The following CCDC50 variants were observed in gnomAD, a reference collection of about 807,000 sequenced individuals.
CCDC50 encodes the protein coiled-coil domain-containing protein 50.
In CCDC50, 54 loss-of-function variants were observed where a neutral mutation model predicts 70.2. The observed-to-expected ratio is 0.77, with a 90% CI of 0.62 to 0.96. The LOEUF (loss-of-function observed/expected upper bound fraction) is 0.96, where lower values mean the gene tolerates loss of function less well. Among genes scored for constraint, CCDC50 ranks in the 50% least tolerant of loss-of-function variants. The pLI is 0.00. For synonymous variants in CCDC50, 216 were observed against 198.8 expected, an observed-to-expected ratio of 1.09 and a Z score of -0.73; for missense variants, 558 against 578.7, an observed-to-expected ratio of 0.96 and a Z score of 0.37.
intron 4 of CCDC50, 50 bp downstream of exon 4, chr3:191,361,209 C>A: frequency 7.3e-7 from 1 of 1,377,994 alleles, no homozygotes; most frequent in Non-Finnish European, 1.0e-6. Context: ...GGGTGCTCAG[C>A]TTTAGAGCAA....
At position 191,329,520 on chromosome 3, in the gene CCDC50, C is replaced by T; in HGVS notation, c.-155C>T. ...TCTCCCGCTGCTTTGGTCACCAGCC[C>T]CTGCCCGCCCGACCCGCTCCGTTCT... On this transcript the variant is annotated 5_prime_UTR_variant, in exon 1 of 12. Transcript: ENST00000392455. The T allele has an allele frequency of 1.4e-5, 9 of 653,918 alleles. No individual in the cohort carries two copies. Among genetic ancestry groups the T allele is most frequent in the Non-Finnish European group, 2.2e-5 (9 of 411,638 alleles). 40.5% of individuals were successfully genotyped at this position (653,918 alleles called of 1,614,324 possible). A position where few individuals can be genotyped will look rare whatever the true frequency, so the allele number is the denominator to read the frequency against.
At position 191,357,154 on chromosome 3, in the gene CCDC50, A is replaced by C; in HGVS notation, c.112+4A>C. The C allele has an allele frequency of 6.2e-7, 1 of 1,612,366 alleles. No individual in the cohort carries two copies. Among genetic ancestry groups the C allele is most frequent in the South Asian group, 1.1e-5 (1 of 91,022 alleles). On this transcript the variant is annotated splice_donor_region_variant and intron_variant, in intron 2 of 11. Coordinates refer to ENST00000392455, the MANE Select transcript of CCDC50 (RefSeq NM_178335.3). The stretch of plus-strand genomic sequence containing the variant: ...CACAGCCTGCAGGAACAAGAGAGTG[A>C]GTAATACCTCTCATTTATGCTCCTT...
intron 2 of CCDC50, 89 bp from the exon 3 acceptor site, chr3:191,357,909 G>A: frequency 6.5e-7 from 1 of 1,531,984 alleles, no homozygotes; most frequent in Non-Finnish European, 9.0e-7. Flanking sequence ...CAAAGCTGTT[G>A]TTATGGTAAA....
rs1410889597 is a variant in CCDC50, at chr3:191,398,272, C to T, written c.*6512C>T. 1 of 152,164 alleles carries T rather than the reference C, an allele frequency of 6.6e-6. No individual in the cohort carries two copies. The highest frequency in any genetic ancestry group is 1.5e-5 in the Non-Finnish European group (1 of 68,024). The allele number at this position is 152,164 out of a possible 1,614,324, so 9.4% of individuals were successfully genotyped here. ...GGTTTGTTTTTTACACTATATTTCTCATTAGGTTCTTTAAACATCAGGTTT... is the reference window on the plus strand; with the variant it reads ...GGTTTGTTTTTTACACTATATTTCTTATTAGGTTCTTTAAACATCAGGTTT... On this transcript the variant is annotated 3_prime_UTR_variant, in exon 12 of 12. Coordinates refer to ENST00000392455, the MANE Select transcript of CCDC50 (RefSeq NM_178335.3).
intron 1 of CCDC50, among the ~76,000 whole-genome samples, chr3:191,341,262 A>G (rs1268941977): frequency 2.0e-5 from 3 of 152,220 alleles, no homozygotes; most frequent in Non-Finnish European, 4.4e-5. Context: ...AATGAGGCCA[A>G]TAATAGGCTC....
chr3:191,337,586 G>T (rs771109400), intron 1 of CCDC50, among the ~76,000 whole-genome samples: 2 of 151,714 alleles, frequency 1.3e-5, no homozygotes, highest in African/African-American at 4.8e-5. Context: ...CTCGTGATCC[G>T]CCCATCTCGG....
At chr3:191,380,337 C>A in intron 7 of CCDC50, 63 bp downstream of exon 7, 1 of 993,556 alleles carries the variant, frequency 1.0e-6, no homozygotes, top group Non-Finnish European at 1.6e-6. Context: ...TGAATCTAGT[C>A]CATCTTGAAA....
intron 1 of CCDC50, among the ~76,000 whole-genome samples, chr3:191,347,096 A>G (rs980175177): frequency 1.4e-5 from 2 of 142,094 alleles, no homozygotes; most frequent in Non-Finnish European, 3.2e-5. Context: ...GAGTTATGCT[A>G]TTCTGGTGTT....
At chr3:191,343,614 T>A (rs1258462982) in intron 1 of CCDC50, among the ~76,000 whole-genome samples, 1 of 152,224 alleles carries the variant, frequency 6.6e-6, no homozygotes, top group Non-Finnish European at 1.5e-5. Flanking sequence ...TCCTGAATTG[T>A]TCTAAAGTAA....
intron 1 of CCDC50, among the ~76,000 whole-genome samples, chr3:191,355,288 C>T (rs1230268350): frequency 6.6e-6 from 1 of 152,034 alleles, no homozygotes; most frequent in African/African-American, 2.4e-5. Context: ...AAATAACATT[C>T]TTTACACAAG....
intron 6 of CCDC50, 96 bp downstream of exon 6, chr3:191,375,685 C>T: frequency 7.9e-7 from 1 of 1,271,356 alleles, no homozygotes. Context: ...TTCTTTCTCT[C>T]TAGTTCATGC....
chr3:191,386,662 C>G (rs1560172685), intron 10 of CCDC50, among the ~76,000 whole-genome samples: 3 of 152,134 alleles, frequency 2.0e-5, no homozygotes, highest in Non-Finnish European at 4.4e-5. Flanking sequence ...GTACAAAAAT[C>G]AGTAGCATTT....
intron 4 of CCDC50, among the ~76,000 whole-genome samples, chr3:191,369,126 T>A (rs1560165833): frequency 6.6e-6 from 1 of 151,758 alleles, no homozygotes. Context: ...TCTGCTGATG[T>A]TTTCTTTTTC....
At chr3:191,364,074 AT>A (rs11423385) in intron 4 of CCDC50, among the ~76,000 whole-genome samples, 290 of 144,294 alleles carry the variant, frequency 2.0e-3, no homozygotes, top group Admixed American at 2.1e-3. Context: ...CTTAGTTCTT[AT>A]TTTTTTTTTT....
At position 191,372,400 on chromosome 3, in the gene CCDC50, A is replaced by G. The variant is rs189351096; in HGVS notation, c.448+2364A>G. Among the ~76,000 whole-genome samples the G allele has an allele frequency of 3.2e-3, 481 of 152,288 alleles. 3 individuals are homozygous for G. The highest frequency in any genetic ancestry group is 0.011 in the African/African-American group (456 of 41,560). On this transcript the variant is annotated intron_variant, in intron 5 of 11. Coordinates refer to ENST00000392455, the MANE Select transcript of CCDC50 (RefSeq NM_178335.3). Reference sequence around the variant, plus strand: ...ATGTTTTGTTGAACATGGAGTCCTCATTAATATGCCCCTGTGTTAGACCAA... The same window carrying G: ...ATGTTTTGTTGAACATGGAGTCCTCGTTAATATGCCCCTGTGTTAGACCAA...
chr3:191,380,427 CT>C (rs1713277791), intron 7 of CCDC50, among the ~76,000 whole-genome samples, 153 bp downstream of exon 7: 1 of 151,966 alleles, frequency 6.6e-6, no homozygotes, highest in Non-Finnish European at 1.5e-5. Context: ...AGAGTATCCA[CT>C]TTTGCTTAGT....
rs1717864672 is a variant in CCDC50, at chr3:191,329,457, G to A, written c.-218G>A. The A allele has an allele frequency of 4.3e-6, 2 of 466,728 alleles. No homozygotes were observed. The highest frequency in any genetic ancestry group is 3.8e-6 in the Non-Finnish European group (1 of 266,306). 28.9% of individuals were successfully genotyped at this position (466,728 alleles called of 1,614,324 possible). A position where few individuals can be genotyped will look rare whatever the true frequency, so the allele number is the denominator to read the frequency against. ...GGGACGCGGAGCAGGTGGCCGCGGC[G>A]GGGCAGCTGGGCCGCCAGCTTGGTG... On this transcript the variant is annotated 5_prime_UTR_variant, in exon 1 of 12. Transcript: ENST00000392455.
rs1159919045 is a variant in CCDC50 at position 191,397,379 on chromosome 3, G to T, written c.*5619G>T. The T allele has an allele frequency of 2.6e-5, 4 of 152,138 alleles. No individual in the cohort carries two copies. The highest frequency in any genetic ancestry group is 5.9e-5 in the Non-Finnish European group (4 of 68,030). The allele number at this position is 152,138 out of a possible 1,614,324, so 9.4% of individuals were successfully genotyped here. On this transcript the variant is annotated 3_prime_UTR_variant, in exon 12 of 12. Transcript: ENST00000392455. Reference sequence around the variant, plus strand: ...CTAATTTCAGCTCTTGCTGTAAACTGCAAGCCAAATGCTCTTTCTCAGAAA... The same window carrying T: ...CTAATTTCAGCTCTTGCTGTAAACTTCAAGCCAAATGCTCTTTCTCAGAAA...
At chr3:191,339,391 C>G (rs1202911414) in intron 1 of CCDC50, among the ~76,000 whole-genome samples, 2 of 152,036 alleles carry the variant, frequency 1.3e-5, no homozygotes, top group African/African-American at 4.8e-5. Context: ...AATTTTGACT[C>G]TATATAAAAA....
Sources: gnomAD v4.1 joint callset for allele counts (sites outside exome capture counted in the v4.1 genomes callset) on GRCh38, gnomAD v4.1.1 for gene constraint, MANE v1.5 for transcripts, NCBI Gene and HGNC (gene_info 2026-07-23, HGNC 2026-07-21) for gene names.